The following SNTG1 variants were observed in gnomAD, a reference collection of about 807,000 sequenced individuals.
SNTG1 encodes the protein gamma-1-syntrophin.
Under a neutral mutation model 74.7 loss-of-function variants are expected in SNTG1, and 39 were observed. That is an observed-to-expected ratio of 0.52 (90% CI 0.40 to 0.68). The LOEUF (loss-of-function observed/expected upper bound fraction) is 0.68. Among genes scored for constraint, SNTG1 ranks in the 30% least tolerant of loss-of-function variants. The pLI is 0.00. For synonymous variants in SNTG1, 254 were observed against 217.1 expected (o/e 1.17, Z -1.49); for missense variants, 685 against 609.5 (o/e 1.12, Z -1.30).
intron 2 of SNTG1, among the ~76,000 whole-genome samples, chr8:50,298,309 C>T (rs1166854979): frequency 6.6e-6 from 1 of 152,124 alleles, no homozygotes; most frequent in African/African-American, 2.4e-5. Context: ...GATTCAGATA[C>T]ATGAGACTAT....
At chr8:49,924,314 T>C (rs1248453258) in intron 1 of SNTG1, among the ~76,000 whole-genome samples, 1 of 152,222 alleles carries the variant, frequency 6.6e-6, no homozygotes, top group Non-Finnish European at 1.5e-5. Flanking sequence ...AAAATCTGTG[T>C]TCAACACTTG....
intron 8 of SNTG1, among the ~76,000 whole-genome samples, chr8:50,474,990 C>A (rs1363768198): frequency 6.7e-6 from 1 of 148,850 alleles, no homozygotes; most frequent in East Asian, 2.0e-4. Context: ...AAGAACCAAA[C>A]ACCGCGTGTT....
chr8:50,007,782 G>A (rs1406397160), intron 1 of SNTG1, among the ~76,000 whole-genome samples: 5 of 151,934 alleles, frequency 3.3e-5, no homozygotes, highest in South Asian at 2.1e-4. Context: ...TTTTCACACC[G>A]CTATAAAGAA....
intron 2 of SNTG1, among the ~76,000 whole-genome samples, chr8:50,209,061 A>C (rs2084384331): frequency 6.6e-6 from 1 of 152,184 alleles, no homozygotes. Flanking sequence ...AAAATGGCAC[A>C]TCAGGAGATT....
intron 17 of SNTG1, among the ~76,000 whole-genome samples, chr8:50,722,923 A>G (rs988910697): frequency 2.0e-5 from 3 of 152,228 alleles, no homozygotes; most frequent in Non-Finnish European, 4.4e-5. Flanking sequence ...TAATAAATCA[A>G]TAGGTATCTT....
At chr8:50,239,167 C>T (rs2086055325) in intron 2 of SNTG1, among the ~76,000 whole-genome samples, 1 of 152,166 alleles carries the variant, frequency 6.6e-6, no homozygotes, top group South Asian at 2.1e-4. Flanking sequence ...GTAAATTGTT[C>T]TACCATAAAA....
intron 9 of SNTG1, among the ~76,000 whole-genome samples, chr8:50,518,822 C>T (rs2094155476): frequency 1.3e-5 from 2 of 152,078 alleles, no homozygotes; most frequent in Admixed American, 1.3e-4. Flanking sequence ...AATAGCCTAC[C>T]AACCAAAAAA....
At chr8:50,451,220 T>TGAC (rs2093453881) in intron 8 of SNTG1, among the ~76,000 whole-genome samples, 1 of 152,132 alleles carries the variant, frequency 6.6e-6, no homozygotes, top group South Asian at 2.1e-4. Context: ...CAAAAAATAA[T>TGAC]GACTATTACA....
intron 15 of SNTG1, among the ~76,000 whole-genome samples, chr8:50,692,844 C>T (rs2095387652): frequency 1.3e-5 from 2 of 152,236 alleles, no homozygotes; most frequent in African/African-American, 4.8e-5. Context: ...GCCCTGCCCC[C>T]AGAGGCGGAG....
chr8:50,596,418 A>G (rs950194228), intron 13 of SNTG1, among the ~76,000 whole-genome samples: 20 of 152,040 alleles, frequency 1.3e-4, no homozygotes, highest in African/African-American at 4.8e-4. Context: ...GGTTTTTTAC[A>G]GTATTCTTTT....
At chr8:50,343,408 A>G (rs545495416) in intron 2 of SNTG1, among the ~76,000 whole-genome samples, 2 of 152,330 alleles carry the variant, frequency 1.3e-5, no homozygotes, top group Non-Finnish European at 2.9e-5. Flanking sequence ...CTAAAGTAAG[A>G]TATTTCTGTA....
Position 50,204,445 on chromosome 8 carries a change from G to A in SNTG1, c.-28+31810G>A, listed in dbSNP as rs554492652. ...GTACCTTGCCAGACAATATTTGTCT[G>A]GACTAGATATCTTCCAAATAAACTG... is the stretch of plus-strand genomic sequence containing the variant. On this transcript the variant is annotated intron_variant, in intron 2 of 18. Transcript: ENST00000642720. 4.0e-5 allele frequency among the ~76,000 whole-genome samples: 6 copies of A among 151,222 alleles called. No individual in the cohort carries two copies. In the South Asian group the frequency reaches 1.1e-3, roughly 27 times the overall value.
At chr8:50,226,550 C>T (rs933212958) in intron 2 of SNTG1, among the ~76,000 whole-genome samples, 8 of 152,174 alleles carry the variant, frequency 5.3e-5, no homozygotes, top group African/African-American at 1.9e-4. Context: ...GATCCGTGGT[C>T]TCCACAATCT....
intron 2 of SNTG1, among the ~76,000 whole-genome samples, chr8:50,178,809 CA>C (rs1371922940): frequency 6.6e-6 from 1 of 152,194 alleles, no homozygotes; most frequent in Non-Finnish European, 1.5e-5. Context: ...GCCAAAAAGA[CA>C]CACTTTCCCT....
At chr8:49,979,267 AC>A (rs1415701493) in intron 1 of SNTG1, among the ~76,000 whole-genome samples, 1 of 152,054 alleles carries the variant, frequency 6.6e-6, no homozygotes, top group Non-Finnish European at 1.5e-5. Flanking sequence ...CTCCTCGGGG[AC>A]TGCATGGGCC....
At chr8:49,927,207 A>G (rs1807108820) in intron 1 of SNTG1, among the ~76,000 whole-genome samples, 1 of 152,210 alleles carries the variant, frequency 6.6e-6, no homozygotes, top group Admixed American at 6.6e-5. Context: ...TTTTTACAAG[A>G]CTAAACATAC....
chr8:50,139,964 T>A (rs1322716689), intron 1 of SNTG1, among the ~76,000 whole-genome samples: 1 of 152,246 alleles, frequency 6.6e-6, no homozygotes, highest in Non-Finnish European at 1.5e-5. Flanking sequence ...TCTGAAGCTT[T>A]TCACATGTCA....
rs1202162715 is a variant in SNTG1, at chr8:50,553,087, T to C, written c.718T>C (p.Cys240Arg). 6.2e-7 allele frequency: 1 copy of C among 1,613,928 alleles called. No homozygotes were observed. The highest frequency in any genetic ancestry group is 1.1e-5 in the South Asian group (1 of 91,084). The change falls in exon 12 of 19, where the codon TGC becomes CGC. Residue 240 changes from cysteine to arginine, a missense_variant. Physicochemically the swap from Cys to Arg is radical, Grantham distance 180 (BLOSUM62 -3). Coordinates refer to ENST00000642720, the MANE Select transcript of SNTG1 (RefSeq NM_018967.5). ...TCAAGTCATTGCTGTGGATGGGGTC[T>C]GCACTGGGATTATTCAGTGCCTCTC... is the stretch of plus-strand genomic sequence containing the variant. ...AFQVIAVDGV[C>R]TGIIQCLSAE...
At chr8:50,031,733 T>C (rs933888521) in intron 1 of SNTG1, among the ~76,000 whole-genome samples, 53 of 152,084 alleles carry the variant, frequency 3.5e-4, no homozygotes, top group African/African-American at 1.3e-3. Flanking sequence ...TTTACATTAA[T>C]ATTTTGTTAA....
Sources: allele counts gnomAD v4.1 joint callset (sites outside exome capture counted in the v4.1 genomes callset), GRCh38; gene constraint gnomAD v4.1.1; transcripts MANE v1.5; gene names NCBI Gene and HGNC (gene_info 2026-07-23, HGNC 2026-07-21).